Variants in FBLN1 observed in about 807,000 individuals in gnomAD.
FBLN1 encodes the protein fibulin 1.
A neutral mutation model predicts 89.7 loss-of-function variants in FBLN1; 34 were observed. That is an observed-to-expected ratio of 0.38 (90% confidence interval 0.29 to 0.50). FBLN1 has a LOEUF of 0.50. Ranked by LOEUF, FBLN1 falls within the 20% of genes least tolerant of loss-of-function variation. The probability of loss-of-function intolerance (pLI) is 0.92; values close to 1 mark genes in which losing one functional copy is unlikely to be tolerated. For missense variants in FBLN1, 777 were observed against 988.1 expected, an observed-to-expected ratio of 0.79 and a Z score of 2.86; for synonymous variants, 393 against 391.3, an observed-to-expected ratio of 1.00 and a Z score of -0.05.
rs148577381 is a variant in FBLN1 at position 45,579,888 on chromosome 22, G to A, written c.1972+2780G>A. On this transcript the variant is annotated intron_variant, in intron 16 of 16. Coordinates refer to ENST00000327858, the MANE Select transcript of FBLN1 (RefSeq NM_006486.3). The surrounding 1 kb of genome is among the most constrained non-coding windows in gnomAD (Gnocchi z 5.5). ...CCTGGTCCCTAGGGGCAGCCATCCC[G>A]GCACACGGCTCCTGGCCTGTCCACC... 3.9e-5 allele frequency among the ~76,000 whole-genome samples: 6 copies of A among 152,112 alleles called. No individual in the cohort carries two copies. Among genetic ancestry groups the A allele is most frequent in the East Asian group, 2.0e-4 (1 of 5,116 alleles).
intron 2 of FBLN1, among the ~76,000 whole-genome samples, chr22:45,524,590 G>A (rs2088294996): frequency 6.6e-6 from 1 of 152,162 alleles, no homozygotes; most frequent in South Asian, 2.1e-4. Flanking sequence ...GATGGAACGA[G>A]CACTGAGAAG....
rs778724050 is a variant in FBLN1, at chr22:45,590,700, A to G, written c.1973-9607A>G. Among the ~76,000 whole-genome samples, 1 of 152,026 alleles carries G rather than the reference A, an allele frequency of 6.6e-6. No homozygotes were observed. Among genetic ancestry groups the G allele is most frequent in the Non-Finnish European group, 1.5e-5 (1 of 67,984 alleles). ...GGAGGAGAGTCTGGAGACCTTTAGG[A>G]ATAGAATCCATTGGCCTCAGTGATG... On this transcript the variant is annotated intron_variant, in intron 16 of 16. Coordinates refer to ENST00000327858, the MANE Select transcript of FBLN1 (RefSeq NM_006486.3). This position sits in a 1 kb window ranked among gnomAD's most constrained non-coding sequence, Gnocchi z 4.1.
chr22:45,546,928 G>A (rs114701528), intron 11 of FBLN1, among the ~76,000 whole-genome samples, 157 bp from the exon 12 acceptor site: 2,156 of 152,272 alleles, frequency 0.014, 24 homozygotes, highest in Non-Finnish European at 0.022. Flanking sequence ...CAGCGATGAC[G>A]CCTCTCCCTC....
In FBLN1 at chr22:45,574,587, C is replaced by T; in HGVS notation, c.1774C>T (p.Pro592Ser). Reference sequence around the variant, plus strand: ...CAACGATGTCACATGCGTGTTCGACCCCGTGCACACCATCTCCCACACCGT... The same window carrying T: ...CAACGATGTCACATGCGTGTTCGACTCCGTGCACACCATCTCCCACACCGT... The part of the protein sequence containing the change: ...RPNDVTCVFD[P>S]VHTISHTVIS... Residue 592 changes from proline (P) to serine (S), a missense_variant, in exon 15 of 17, where the codon CCC becomes TCC. Transcript: ENST00000327858. This position sits in a 1 kb window ranked among gnomAD's most constrained non-coding sequence, Gnocchi z 4.1. The T allele has an allele frequency of 6.2e-7, 1 of 1,614,110 alleles. No homozygotes were observed. The highest frequency in any genetic ancestry group is 2.2e-5 in the East Asian group (1 of 44,858).
rs2089195737 is a variant in FBLN1, at chr22:45,597,310, A to G, written c.1973-2997A>G. Among the ~76,000 whole-genome samples, 1 of 152,138 alleles carries G rather than the reference A, an allele frequency of 6.6e-6. No homozygotes were observed. Among genetic ancestry groups the G allele is most frequent in the South Asian group, 2.1e-4 (1 of 4,824 alleles). On this transcript the variant is annotated intron_variant, in intron 16 of 16. Coordinates refer to ENST00000327858, the MANE Select transcript of FBLN1 (RefSeq NM_006486.3). The surrounding 1 kb of genome is among the most constrained non-coding windows in gnomAD (Gnocchi z 4.2). Reference sequence around the variant, plus strand: ...GCCACTGCACCCAGCTGAAACAAAGACATATCTGACTGTTGCTTGTGGAGG... The same window carrying G: ...GCCACTGCACCCAGCTGAAACAAAGGCATATCTGACTGTTGCTTGTGGAGG...
chr22:45,515,723 G>A (rs2238808), intron 1 of FBLN1, among the ~76,000 whole-genome samples: 42,373 of 152,166 alleles, frequency 0.28, 6,831 homozygotes, highest in East Asian at 0.56. Flanking sequence ...TGTTTACAGA[G>A]AACTTTCTGT....
Position 45,532,477 on chromosome 22 carries a change from C to T in FBLN1, c.545-586C>T, listed in dbSNP as rs1359801447. On this transcript the variant is annotated intron_variant, in intron 5 of 16. Transcript: ENST00000327858. This position sits in a 1 kb window ranked among gnomAD's most constrained non-coding sequence, Gnocchi z 4.2. ...GCTGGCAGCAGTTAGAAGTGTATCT[C>T]GTAGAATCTTTCCCTGGTTGAGGCT... Among the ~76,000 whole-genome samples the T allele has an allele frequency of 4.6e-5, 7 of 152,062 alleles. No individual in the cohort carries two copies. Among genetic ancestry groups the T allele is most frequent in the African/African-American group, 1.7e-4 (7 of 41,388 alleles).
intron 1 of FBLN1, among the ~76,000 whole-genome samples, chr22:45,509,000 G>C (rs891722330): frequency 3.3e-5 from 5 of 152,188 alleles, no homozygotes; most frequent in African/African-American, 1.2e-4. Context: ...GTGCATTGGC[G>C]GTAGTTAGGG....
chr22:45,517,624 G>A (rs1182984808), intron 1 of FBLN1: 1 of 471,092 alleles, frequency 2.1e-6, no homozygotes, highest in Non-Finnish European at 4.4e-6. Flanking sequence ...CTGAACCTGT[G>A]CTCTCTGCTT....
At position 45,533,748 on chromosome 22, in the gene FBLN1, C is replaced by G. The variant is rs892038183; in HGVS notation, c.647-13C>G. ...CTTGCTGGTCACCCCCGCACTGCCT[C>G]GGTCTCTCCTAGATGTCAATGAATG... is the stretch of plus-strand genomic sequence containing the variant. On this transcript the variant is annotated splice_polypyrimidine_tract_variant and intron_variant, in intron 6 of 16. Transcript: ENST00000327858. 1.2e-6 allele frequency: 2 copies of G among 1,609,796 alleles called. No individual in the cohort carries two copies. The highest frequency in any genetic ancestry group is 1.1e-5 in the South Asian group (1 of 91,008).
intron 16 of FBLN1, among the ~76,000 whole-genome samples, chr22:45,599,399 C>T (rs886374370): frequency 5.3e-5 from 8 of 152,192 alleles, no homozygotes; most frequent in Admixed American, 3.9e-4. Flanking sequence ...TCCACAGAGG[C>T]ATGCACAGCA....
chr22:45,565,745 G>A (rs1009637258), intron 14 of FBLN1: 1 of 162,756 alleles, frequency 6.1e-6, no homozygotes, highest in African/African-American at 2.4e-5. Flanking sequence ...TGGATGGATA[G>A]CATTTTTAAG....
chr22:45,525,123 A>AAC (rs1555952206), intron 2 of FBLN1, among the ~76,000 whole-genome samples: 1 of 126,400 alleles, frequency 7.9e-6, no homozygotes, highest in East Asian at 2.8e-4. Flanking sequence ...GAGAGAGAGA[A>AAC]AGAAAAACAG....
chr22:45,527,673 C>T (rs929933048), intron 3 of FBLN1, among the ~76,000 whole-genome samples, 174 bp from the exon 4 acceptor site: 13 of 152,072 alleles, frequency 8.5e-5, no homozygotes, highest in African/African-American at 2.9e-4. Context: ...GGGGGATGGC[C>T]TTGCTTTGCT....
Position 45,580,109 on chromosome 22 carries a change from C to T in FBLN1, c.1972+3001C>T, listed in dbSNP as rs146592912. On this transcript the variant is annotated intron_variant, in intron 16 of 16. Transcript: ENST00000327858. The surrounding 1 kb of genome is among the most constrained non-coding windows in gnomAD (Gnocchi z 8.6). ...GGAGGGAGCTGAGTTAAATGACCGC[C>T]TGAGACTGTGCAACTGAAAAACTGC... Among the ~76,000 whole-genome samples, 1 of 152,286 alleles carries T rather than the reference C, an allele frequency of 6.6e-6. No individual in the cohort carries two copies. Among genetic ancestry groups the T allele is most frequent in the Non-Finnish European group, 1.5e-5 (1 of 68,022 alleles).
Position 45,504,183 on chromosome 22 carries a change from C to T in FBLN1, c.79+1119C>T, listed in dbSNP as rs376504830. 1.3e-4 allele frequency among the ~76,000 whole-genome samples: 20 copies of T among 149,938 alleles called. 1 individual carries two copies. In the East Asian group the frequency reaches 3.4e-3, roughly 25 times the overall value. ...AAGGTCGCTTGTCCCAACTAATGCT[C>T]ACTGGGGGATTCCAGGAAGGGGGCT... On this transcript the variant is annotated intron_variant, in intron 1 of 16. Coordinates refer to ENST00000327858, the MANE Select transcript of FBLN1 (RefSeq NM_006486.3).
rs1281521521 is a variant in FBLN1 at position 45,583,859 on chromosome 22, G to T, written c.1972+6751G>T. ...ACCAAAGCCTTTACTGGGGTCCAGG[G>T]TGTTATCCAGGCAGGTTTCCCGTGA... On this transcript the variant is annotated intron_variant, in intron 16 of 16. Transcript: ENST00000327858. This position sits in a 1 kb window ranked among gnomAD's most constrained non-coding sequence, Gnocchi z 4.5. Among the ~76,000 whole-genome samples, 1 of 152,196 alleles carries T rather than the reference G, an allele frequency of 6.6e-6. No individual in the cohort carries two copies. The highest frequency in any genetic ancestry group is 1.9e-4 in the East Asian group (1 of 5,194).
Position 45,581,294 on chromosome 22 carries a change from C to A in FBLN1, c.1972+4186C>A, listed in dbSNP as rs546399629. On this transcript the variant is annotated intron_variant, in intron 16 of 16. Transcript: ENST00000327858. This position sits in a 1 kb window ranked among gnomAD's most constrained non-coding sequence, Gnocchi z 7.6. ...TTCCCCTCCAGCCTCCAGATCACCA[C>A]TTCCTTTTAACTCTCAGGCCAGCCA... is the stretch of plus-strand genomic sequence containing the variant. Among the ~76,000 whole-genome samples, 1 of 152,250 alleles carries A rather than the reference C, an allele frequency of 6.6e-6. No homozygotes were observed. Among genetic ancestry groups the A allele is most frequent in the East Asian group, 2.0e-4 (1 of 5,128 alleles).
rs140135834 is a variant in FBLN1 at position 45,562,831 on chromosome 22, G to A, written c.1698-11680G>A. The A allele has an allele frequency of 2.7e-5, 37 of 1,390,838 alleles. No individual in the cohort carries two copies. The highest frequency in any genetic ancestry group is 7.1e-5 in the African/African-American group (5 of 70,850). 86.2% of individuals were successfully genotyped at this position (1,390,838 alleles called of 1,614,324 possible). On this transcript the variant is annotated intron_variant, in intron 14 of 16. Transcript: ENST00000327858. The surrounding 1 kb of genome is among the most constrained non-coding windows in gnomAD (Gnocchi z 7.8). ...GCGGGAGGCCCCGCCTGCCAGCCCC[G>A]CATCCCCGCGCTCTGCCGTTTCTCC...
Sources: gnomAD v4.1 joint callset for allele counts (sites outside exome capture counted in the v4.1 genomes callset) on GRCh38, gnomAD v4.1.1 for gene constraint, Gnocchi (gnomAD v3.1) non-coding constraint, MANE v1.5 for transcripts, NCBI Gene and HGNC (gene_info 2026-07-23, HGNC 2026-07-21) for gene names.